Variants in PHEX observed in about 807,000 individuals in gnomAD.
The protein encoded by PHEX is phosphate regulating endopeptidase X-linked.
Under a neutral mutation model 68.0 loss-of-function variants are expected in PHEX, and 16 were observed. The observed-to-expected ratio is 0.24, with a 90% confidence interval of 0.16 to 0.36. The LOEUF is 0.36. Among genes scored for constraint, PHEX ranks in the 10% least tolerant of loss-of-function variants. The pLI, the probability that PHEX is intolerant of heterozygous loss-of-function variation, is 1.00. For synonymous variants in PHEX, 208 were observed against 205.1 expected (o/e 1.01, Z -0.12); for missense variants, 480 against 575.5 (o/e 0.83, Z 1.70).
Position 22,249,105 on chromosome X carries a change from T to G in PHEX, c.*1152T>G, listed in dbSNP as rs1936477690. On this transcript the variant is annotated 3_prime_UTR_variant, in exon 22 of 22. Coordinates refer to ENST00000379374, the MANE Select transcript of PHEX (RefSeq NM_000444.6). Reference sequence around the variant, plus strand: ...CCTGCATAGTCCAAATAAACATAATTTTTACTCTTCAAGTCATCTAAAGAG... The same window carrying G: ...CCTGCATAGTCCAAATAAACATAATGTTTACTCTTCAAGTCATCTAAAGAG... The G allele has an allele frequency of 9.1e-6, 1 of 109,881 alleles. No homozygotes were observed. The highest frequency in any genetic ancestry group is 3.9e-4 in the South Asian group (1 of 2,557). 9.1% of individuals were successfully genotyped at this position (109,881 alleles called of 1,213,427 possible).
intron 15 of PHEX, among the ~76,000 whole-genome samples, chrX:22,200,502 G>A (rs976952462): frequency 3.6e-5 from 4 of 111,032 alleles, no homozygotes; most frequent in Non-Finnish European, 5.7e-5. Context: ...CCAGCTACTC[G>A]GGAGGCTGAG....
At chrX:22,069,240 A>G (rs766882602) in intron 3 of PHEX, among the ~76,000 whole-genome samples, 1 of 112,445 alleles carries the variant, frequency 8.9e-6, no homozygotes, top group Admixed American at 9.4e-5. Context: ...CAGACCTTAC[A>G]TGGAATTATC....
chrX:22,176,400 A>ATATAT (rs1556067275), intron 13 of PHEX, among the ~76,000 whole-genome samples: 4 of 62,527 alleles, frequency 6.4e-5, no homozygotes, highest in Admixed American at 1.6e-4. Context: ...AAAAAAAAAA[A>ATATAT]AAATATATAT....
intron 3 of PHEX, among the ~76,000 whole-genome samples, chrX:22,066,614 G>T (rs1441654720): frequency 9.0e-6 from 1 of 111,595 alleles, no homozygotes; most frequent in African/African-American, 3.3e-5. Flanking sequence ...CCCCCCTTTT[G>T]GGGGAGAGGA....
chrX:22,204,508 G>A (rs962774014), intron 15 of PHEX, among the ~76,000 whole-genome samples: 3 of 111,924 alleles, frequency 2.7e-5, no homozygotes, highest in African/African-American at 9.7e-5. Context: ...TTTGTCGAGT[G>A]GTATCCTTTC....
chrX:22,234,455 A>T (rs1935890350), intron 20 of PHEX, among the ~76,000 whole-genome samples: 1 of 108,286 alleles, frequency 9.2e-6, no homozygotes, highest in Non-Finnish European at 1.9e-5. Flanking sequence ...TTTTTTTTTT[A>T]GAGATGCCCT....
At chrX:22,126,959 C>G (rs766858657) in intron 11 of PHEX, among the ~76,000 whole-genome samples, 4 of 102,234 alleles carry the variant, frequency 3.9e-5, no homozygotes, top group Middle Eastern at 4.9e-3. Context: ...GCACCCTCCA[C>G]CTCCCGGGTT....
intron 20 of PHEX, among the ~76,000 whole-genome samples, chrX:22,228,716 A>ATACT (rs1935597628): frequency 9.3e-6 from 1 of 107,110 alleles, no homozygotes; most frequent in Admixed American, 9.9e-5. Context: ...CAGATGTTTC[A>ATACT]TACTTTACTT....
At chrX:22,237,420 G>A (rs1936019565) in intron 20 of PHEX, among the ~76,000 whole-genome samples, 1 of 111,285 alleles carries the variant, frequency 9.0e-6, no homozygotes, top group Non-Finnish European at 1.9e-5. Context: ...TGTAGTTGCT[G>A]TGACCTCTCA....
At chrX:22,212,461 T>C (rs1934959433) in intron 15 of PHEX, among the ~76,000 whole-genome samples, 1 of 111,526 alleles carries the variant, frequency 9.0e-6, no homozygotes, top group Non-Finnish European at 1.9e-5. Context: ...AAAATACAAG[T>C]TCAAAGATAA....
At chrX:22,244,990 A>G (rs1235364742) in intron 20 of PHEX, among the ~76,000 whole-genome samples, 1 of 111,799 alleles carries the variant, frequency 8.9e-6, no homozygotes, top group African/African-American at 3.3e-5. Context: ...GATTTGAATG[A>G]GTATGGTTAA....
In PHEX at chrX:22,248,182, A is replaced by C. The variant is rs1936448944; in HGVS notation, c.*229A>C. 1 of 411,430 alleles carries C rather than the reference A, an allele frequency of 2.4e-6. No individual in the cohort carries two copies. The highest frequency in any genetic ancestry group is 4.3e-6 in the Non-Finnish European group (1 of 235,253). The allele number at this position is 411,430 out of a possible 1,213,427, so 33.9% of individuals were successfully genotyped here. On this transcript the variant is annotated 3_prime_UTR_variant, in exon 22 of 22. Coordinates refer to ENST00000379374, the MANE Select transcript of PHEX (RefSeq NM_000444.6). ...TATGTTTCTTTAGAAAATCAAACCAACAAAAATAAATCCCTAGGCTACTTT... is the reference window on the plus strand; with the variant it reads ...TATGTTTCTTTAGAAAATCAAACCACCAAAAATAAATCCCTAGGCTACTTT...
chrX:22,113,126 G>A (rs1227425977), intron 10 of PHEX, among the ~76,000 whole-genome samples: 3 of 109,442 alleles, frequency 2.7e-5, no homozygotes, highest in African/African-American at 6.6e-5. Context: ...CTACTGTGAA[G>A]AGAATGAGAG....
intron 11 of PHEX, among the ~76,000 whole-genome samples, chrX:22,132,118 G>C (rs760306970): frequency 1.8e-5 from 2 of 110,705 alleles, no homozygotes; most frequent in Non-Finnish European, 3.8e-5. Context: ...TATTTTTTTA[G>C]AGACAAGGTC....
At chrX:22,219,511 G>A (rs765938662) in intron 17 of PHEX, among the ~76,000 whole-genome samples, 129 of 112,653 alleles carry the variant, frequency 1.1e-3, no homozygotes, top group African/African-American at 4.1e-3. Context: ...AGGACTCGTT[G>A]AGTTAGGACT....
At chrX:22,091,780 G>A (rs1929895421) in intron 6 of PHEX, among the ~76,000 whole-genome samples, 1 of 112,076 alleles carries the variant, frequency 8.9e-6, no homozygotes, top group African/African-American at 3.3e-5. Context: ...GATTTATAAA[G>A]GAAAGAGGTT....
intron 5 of PHEX, among the ~76,000 whole-genome samples, chrX:22,081,717 C>T (rs1046550498): frequency 8.1e-5 from 9 of 111,612 alleles, no homozygotes; most frequent in African/African-American, 2.6e-4. Context: ...TGCAAAGCTC[C>T]CCTGTGGCAA....
At chrX:22,197,483 C>T (rs1156794722) in intron 15 of PHEX, among the ~76,000 whole-genome samples, 2 of 111,025 alleles carry the variant, frequency 1.8e-5, no homozygotes, top group Non-Finnish European at 3.8e-5. Flanking sequence ...AGGGAGCTCA[C>T]ACAGAGATCC....
At chrX:22,108,575 C>T (rs866114440) in intron 9 of PHEX, among the ~76,000 whole-genome samples, 14 of 111,350 alleles carry the variant, frequency 1.3e-4, no homozygotes, top group South Asian at 3.7e-4. Context: ...GGCTATGGAC[C>T]CTTCATTTGA....
Sources: allele counts gnomAD v4.1 joint callset (sites outside exome capture counted in the v4.1 genomes callset), GRCh38; gene constraint gnomAD v4.1.1; transcripts MANE v1.5; gene names NCBI Gene and HGNC (gene_info 2026-07-23, HGNC 2026-07-21).